Variants in SCMH1 observed in about 807,000 individuals in gnomAD.
The protein encoded by SCMH1 is polycomb protein SCMH1.
In SCMH1, 37 loss-of-function variants were observed where a neutral mutation model predicts 70.8. The ratio of observed to expected loss-of-function variants is 0.52; its 90% CI spans 0.40 to 0.69. The LOEUF (loss-of-function observed/expected upper bound fraction) is 0.69, where lower values mean the gene tolerates loss of function less well. Ranked by LOEUF, SCMH1 falls within the 30% of genes least tolerant of loss-of-function variation. SCMH1 has a pLI of 0.00. For synonymous variants in SCMH1, 292 were observed against 307.4 expected, an observed-to-expected ratio of 0.95 and a Z score of 0.52; for missense variants, 607 against 827.3, an observed-to-expected ratio of 0.73 and a Z score of 3.27.
At chr1:41,033,486 T>C (rs1024140342) in intron 13 of SCMH1, among the ~76,000 whole-genome samples, 2 of 152,016 alleles carry the variant, frequency 1.3e-5, no homozygotes, top group African/African-American at 4.8e-5. Flanking sequence ...AGGGGAGGGG[T>C]GAAAAGAGAG....
intron 8 of SCMH1, among the ~76,000 whole-genome samples, chr1:41,110,071 A>C (rs770363437): frequency 1.3e-5 from 2 of 152,220 alleles, no homozygotes; most frequent in African/African-American, 4.8e-5. Context: ...CTATTACCTC[A>C]CAGTGCTTCC....
rs1187458375 is a variant in SCMH1 at position 41,028,460 on chromosome 1, A to G, written c.1821+124T>C. The G allele has an allele frequency of 1.5e-5, 22 of 1,498,400 alleles. No homozygotes were observed. In the South Asian group the frequency reaches 1.9e-4, roughly 13 times the overall value. 92.8% of individuals were successfully genotyped at this position (1,498,400 alleles called of 1,614,324 possible). On this transcript the variant is annotated intron_variant, in intron 14 of 14. Coordinates refer to ENST00000337495, the Ensembl canonical transcript of SCMH1. ...TCCAGTTCACCTGCTGTGATGCTGA[A>G]GCCTACCTGTTCTCCTCAGCCTTTG...
chr1:41,193,604 G>T (rs1243094855), intron 1 of SCMH1, among the ~76,000 whole-genome samples: 2 of 152,038 alleles, frequency 1.3e-5, no homozygotes, highest in African/African-American at 4.8e-5. Flanking sequence ...AGGCATTTCA[G>T]GCATTCTTCC....
chr1:41,096,854 T>C (rs1665217390), intron 8 of SCMH1, among the ~76,000 whole-genome samples: 1 of 152,148 alleles, frequency 6.6e-6, no homozygotes, highest in East Asian at 1.9e-4. Flanking sequence ...TGCTTACCAC[T>C]TCACAGGCAG....
intron 4 of SCMH1, chr1:41,159,910 G>T: frequency 1.0e-6 from 1 of 985,296 alleles, no homozygotes; most frequent in Non-Finnish European, 1.4e-6. Context: ...ACATCCATTA[G>T]CTCATGTAAT....
rs35277238 is a variant in SCMH1, at chr1:41,103,406, T to C, written c.745+9877A>G. 3.5e-3 allele frequency among the ~76,000 whole-genome samples: 529 copies of C among 152,274 alleles called. 2 individuals carry two copies. Among genetic ancestry groups the C allele is most frequent in the Middle Eastern group, 0.01 (3 of 294 alleles). On this transcript the variant is annotated intron_variant, in intron 8 of 14. Transcript: ENST00000337495. ...ATCCATTCGCCTTGGCCTCCCAAAG[T>C]GCTGGGATTATAGGCATGAGCCACT...
At chr1:41,144,598 ATTCTC>A (rs1275173155) in intron 5 of SCMH1, among the ~76,000 whole-genome samples, 1 of 152,120 alleles carries the variant, frequency 6.6e-6, no homozygotes, top group African/African-American at 2.4e-5. Context: ...CATGTTTTCT[ATTCTC>A]TTACGTATAT....
chr1:41,209,980 A>G lies in SCMH1; in HGVS notation c.-117-23730T>C, dbSNP rs12047955. On this transcript the variant is annotated intron_variant, in intron 1 of 14. Transcript: ENST00000337495. ...AGAAAACCCCATCGTCTCAGCCCAA[A>G]GTCTCCTTAAGTTGATAAGCAACTT... is the stretch of plus-strand genomic sequence containing the variant. 5.9e-5 allele frequency among the ~76,000 whole-genome samples: 9 copies of G among 152,356 alleles called. No homozygotes were observed. The East Asian group carries it at 7.7e-4, about 13-fold the overall frequency.
intron 8 of SCMH1, among the ~76,000 whole-genome samples, chr1:41,110,261 T>C (rs1217608887): frequency 6.6e-6 from 1 of 152,242 alleles, no homozygotes; most frequent in Non-Finnish European, 1.5e-5. Flanking sequence ...ATTACCACTG[T>C]ACAACTCATT....
Position 41,163,710 on chromosome 1 carries a change from T to TA in SCMH1, c.14-2279dup, listed in dbSNP as rs564937157. On this transcript the variant is annotated intron_variant, in intron 2 of 14. Coordinates refer to ENST00000337495, the Ensembl canonical transcript of SCMH1. ...ACCTTGCCAATCAATGCCTTGATCT[T>TA]AGACTTCTAGCCTTCAGAATTGTGA... Among the ~76,000 whole-genome samples, 22 of 152,328 alleles carry TA rather than the reference T, an allele frequency of 1.4e-4. No homozygotes were observed. In the South Asian group the frequency reaches 4.4e-3, roughly 30 times the overall value.
intron 6 of SCMH1, among the ~76,000 whole-genome samples, chr1:41,139,089 T>C (rs1643803485): frequency 6.6e-6 from 1 of 152,164 alleles, no homozygotes; most frequent in Non-Finnish European, 1.5e-5. Context: ...TTTTTTCCCT[T>C]CAACGTTAAG....
At chr1:41,212,616 T>C (rs532690256) in intron 1 of SCMH1, among the ~76,000 whole-genome samples, 1 of 152,240 alleles carries the variant, frequency 6.6e-6, no homozygotes, top group East Asian at 1.9e-4. Context: ...CTGTATTTAA[T>C]CCTTAGCCAT....
chr1:41,154,382 A>C (rs1200624882), intron 4 of SCMH1, among the ~76,000 whole-genome samples: 1 of 152,220 alleles, frequency 6.6e-6, no homozygotes, highest in Non-Finnish European at 1.5e-5. Context: ...TCTACAGCTA[A>C]CTATCTTGGG....
At chr1:41,166,276 A>T (rs1646402539) in intron 2 of SCMH1, among the ~76,000 whole-genome samples, 1 of 152,024 alleles carries the variant, frequency 6.6e-6, no homozygotes, top group Non-Finnish European at 1.5e-5. Flanking sequence ...CAGTAGTGTG[A>T]TGTCTCCAGC....
chr1:41,116,150 C>T (rs886414321), intron 7 of SCMH1, among the ~76,000 whole-genome samples: 1 of 152,184 alleles, frequency 6.6e-6, no homozygotes, highest in African/African-American at 2.4e-5. Flanking sequence ...GCACAGCTGG[C>T]ATAACAAAGT....
intron 13 of SCMH1, among the ~76,000 whole-genome samples, chr1:41,036,100 C>T (rs1037599696): frequency 2.0e-5 from 3 of 152,148 alleles, no homozygotes; most frequent in Non-Finnish European, 2.9e-5. Flanking sequence ...TTTGTTGGTT[C>T]CCAGGACTTC....
At chr1:41,208,753 C>A (rs1656254649) in intron 1 of SCMH1, among the ~76,000 whole-genome samples, 1 of 152,064 alleles carries the variant, frequency 6.6e-6, no homozygotes, top group Non-Finnish European at 1.5e-5. Context: ...ATTTATAGCA[C>A]CAAATACCCA....
chr1:41,180,085 A>G (rs1648284688), intron 2 of SCMH1, among the ~76,000 whole-genome samples: 1 of 152,252 alleles, frequency 6.6e-6, no homozygotes, highest in Non-Finnish European at 1.5e-5. Context: ...AATGTAATCC[A>G]GCATATAAAC....
exon 15 of SCMH1, chr1:41,028,261 C>T: frequency 1.2e-6 from 2 of 1,614,150 alleles, no homozygotes; most frequent in Non-Finnish European, 1.7e-6. Context: ...CAGCTTCAGG[C>T]CCATGTACTT....
Sources: gnomAD v4.1 joint callset for allele counts (sites outside exome capture counted in the v4.1 genomes callset) on GRCh38, gnomAD v4.1.1 for gene constraint, MANE v1.5 for transcripts, NCBI Gene and HGNC (gene_info 2026-07-23, HGNC 2026-07-21) for gene names.